TJP3: variants seen among roughly 807,000 people sequenced by gnomAD.
TJP3 encodes the protein tight junction protein 3, also known as tight junction protein ZO-3.
A neutral mutation model predicts 104.2 loss-of-function variants in TJP3; 85 were observed. That is an observed-to-expected ratio of 0.82 (90% confidence interval 0.68 to 0.98). TJP3 has a LOEUF of 0.98. Among genes scored for constraint, TJP3 ranks in the 50% least tolerant of loss-of-function variants. The probability of loss-of-function intolerance (pLI) is 0.00; values close to 1 mark genes in which losing one functional copy is unlikely to be tolerated. For synonymous variants in TJP3, 550 were observed against 550.6 expected, an observed-to-expected ratio of 1.00 and a Z score of 0.02; for missense variants, 1,367 against 1,322.8, an observed-to-expected ratio of 1.03 and a Z score of -0.52.
At chr19:3,723,819 A>G (rs963470379) in intron 1 of TJP3, among the ~76,000 whole-genome samples, 2 of 147,428 alleles carry the variant, frequency 1.4e-5, no homozygotes, top group African/African-American at 4.9e-5. Flanking sequence ...ATATATATAT[A>G]TATATATATA....
intron 1 of TJP3, among the ~76,000 whole-genome samples, chr19:3,718,363 G>C (rs150389605): frequency 6.6e-6 from 1 of 150,642 alleles, no homozygotes; most frequent in Non-Finnish European, 1.5e-5. Flanking sequence ...GACTACAAGC[G>C]TGAGCCACTG....
At chr19:3,711,005 G>T (rs1389629722) in intron 1 of TJP3, among the ~76,000 whole-genome samples, 1 of 150,480 alleles carries the variant, frequency 6.6e-6, no homozygotes, top group African/African-American at 2.5e-5. Context: ...CCGGGTTCAC[G>T]CCATACTCCT....
intron 1 of TJP3, among the ~76,000 whole-genome samples, chr19:3,724,180 C>T (rs1440650570): frequency 6.6e-6 from 1 of 151,908 alleles, no homozygotes; most frequent in African/African-American, 2.4e-5. Context: ...GTTCGGGGGC[C>T]CTGGTTCCCT....
At chr19:3,739,987 A>G (rs2036790930) in intron 13 of TJP3, among the ~76,000 whole-genome samples, 2 of 151,922 alleles carry the variant, frequency 1.3e-5, no homozygotes, top group South Asian at 4.2e-4. Context: ...TAATCCCAGC[A>G]CTTTGGGAGG....
rs185855283 is a variant in TJP3, at chr19:3,711,132, C to G, written c.-10+2571C>G. On this transcript the variant is annotated intron_variant, in intron 1 of 20. Coordinates refer to ENST00000541714, the MANE Select transcript of TJP3 (RefSeq NM_001267560.2). ...GGTAGCCAAGATGGTCTCTCCTGACCTTGTGATCCGCCCACCTCAGCCTCC... is the reference window on the plus strand; with the variant it reads ...GGTAGCCAAGATGGTCTCTCCTGACGTTGTGATCCGCCCACCTCAGCCTCC... Among the ~76,000 whole-genome samples the G allele has an allele frequency of 3.1e-5, 2 of 65,034 alleles. 1 individual carries two copies. Among genetic ancestry groups the G allele is most frequent in the African/African-American group, 1.0e-4 (2 of 19,156 alleles). The allele number at this position is 65,034 out of a possible 152,430, so 42.7% of individuals were successfully genotyped here. A position where few individuals can be genotyped will look rare whatever the true frequency, so the allele number is the denominator to read the frequency against.
At chr19:3,722,556 C>A (rs1305255536) in intron 1 of TJP3, among the ~76,000 whole-genome samples, 2 of 60,610 alleles carry the variant, frequency 3.3e-5, no homozygotes, top group Admixed American at 2.5e-4. Context: ...GTGAGCAAGC[C>A]GGCTGGGGTG....
rs780203679 is a variant in TJP3 at position 3,748,058 on chromosome 19, A to C, written c.2587A>C (p.Ile863Leu). 2 of 1,577,378 alleles carry C rather than the reference A, an allele frequency of 1.3e-6. No individual in the cohort carries two copies. The highest frequency in any genetic ancestry group is 4.7e-5 in the East Asian group (2 of 42,930). The change falls in exon 19 of 21, where the codon ATC (isoleucine) becomes CTC (leucine). Residue 863 changes from isoleucine (I) to leucine (L), a missense_variant. Transcript: ENST00000541714. Reference protein sequence around the residue: ...ESQSPRDRGRISAHQGAQVDS... With the variant: ...ESQSPRDRGRLSAHQGAQVDS... ...CCAGAGCCCGAGGGATCGTGGGAGA[A>C]TCTCGGCTCATCAGGGGGCCCAGGT...
At position 3,716,316 on chromosome 19, in the gene TJP3, G is replaced by T. The variant is rs555481774; in HGVS notation, c.-10+7755G>T. Among the ~76,000 whole-genome samples the T allele has an allele frequency of 1.3e-5, 2 of 148,340 alleles. 1 individual carries two copies. The highest frequency in any genetic ancestry group is 3.0e-5 in the Non-Finnish European group (2 of 66,128). ...TCGAACTATTGACCTCAAGTGATCC[G>T]CCCATCTCAGCCTCTCAAAGTGCTG... On this transcript the variant is annotated intron_variant, in intron 1 of 20. Coordinates refer to ENST00000541714, the MANE Select transcript of TJP3 (RefSeq NM_001267560.2).
At chr19:3,735,990 C>T (rs1286064942) in intron 10 of TJP3, 55 bp downstream of exon 10, 11 of 1,606,610 alleles carry the variant, frequency 6.8e-6, no homozygotes, top group Non-Finnish European at 9.4e-6. Flanking sequence ...CCCAGGCTGC[C>T]TCCCTCATCA....
rs1555737719 is a variant in TJP3 at position 3,722,864 on chromosome 19, G to GT, written c.-9-5560_-9-5559insT. Among the ~76,000 whole-genome samples the GT allele has an allele frequency of 2.4e-5, 3 of 126,528 alleles. 1 individual carries two copies. Among genetic ancestry groups the GT allele is most frequent in the Non-Finnish European group, 4.9e-5 (3 of 60,904 alleles). The allele number at this position is 126,528 out of a possible 152,430, so 83.0% of individuals were successfully genotyped here. On this transcript the variant is annotated intron_variant, in intron 1 of 20. Transcript: ENST00000541714. ...TCCTGGAGATGGGGTGGCGGGGGGG[G>GT]GGGGCACAGGGGACGGCGGCCCGGG...
chr19:3,717,454 T>A (rs940823445), intron 1 of TJP3, among the ~76,000 whole-genome samples: 2 of 148,756 alleles, frequency 1.3e-5, no homozygotes, highest in African/African-American at 4.9e-5. Context: ...TGAAACATAG[T>A]GTTGTGCTGT....
intron 1 of TJP3, among the ~76,000 whole-genome samples, chr19:3,720,904 T>TC (rs1348177587): frequency 2.3e-5 from 3 of 132,820 alleles, no homozygotes; most frequent in African/African-American, 3.3e-5. Context: ...TCCTTTTCTT[T>TC]TTTTTTTTTT....
intron 11 of TJP3, among the ~76,000 whole-genome samples, chr19:3,738,281 C>T (rs9676428): frequency 0.16 from 24,481 of 152,202 alleles, 2,404 homozygotes; most frequent in African/African-American, 0.26. Flanking sequence ...TGACAACCCA[C>T]CATGATTTGG....
At position 3,738,540 on chromosome 19, in the gene TJP3, C is replaced by G. The variant is rs750037718; in HGVS notation, c.1285-15C>G. ...TACCAGAGCTTTTTCTATAGCTGCACTTGCTTTCTGGCAGGTGAATGACGT... is the reference window on the plus strand; with the variant it reads ...TACCAGAGCTTTTTCTATAGCTGCAGTTGCTTTCTGGCAGGTGAATGACGT... On this transcript the variant is annotated splice_polypyrimidine_tract_variant and intron_variant, in intron 11 of 20. Transcript: ENST00000541714. 6.2e-7 allele frequency: 1 copy of G among 1,610,286 alleles called. No individual in the cohort carries two copies. Among genetic ancestry groups the G allele is most frequent in the East Asian group, 2.2e-5 (1 of 44,812 alleles).
intron 14 of TJP3, among the ~76,000 whole-genome samples, chr19:3,743,245 C>T (rs2036846202): frequency 6.6e-6 from 1 of 151,650 alleles, no homozygotes; most frequent in East Asian, 1.9e-4. Flanking sequence ...GCCTGGGCCA[C>T]AGAGCTAGAC....
intron 20 of TJP3, 128 bp from the exon 21 acceptor site, chr19:3,750,454 C>T: frequency 1.2e-6 from 1 of 830,176 alleles, no homozygotes. Context: ...CAAGGCCCTA[C>T]CCATGAATGC....
intron 1 of TJP3, among the ~76,000 whole-genome samples, chr19:3,716,520 T>G (rs565594002): frequency 1.3e-5 from 2 of 148,156 alleles, no homozygotes; most frequent in African/African-American, 4.8e-5. Context: ...TTTTCTCAGC[T>G]GCAAAGTGGG....
intron 6 of TJP3, 43 bp from the exon 7 acceptor site, chr19:3,733,710 C>T: frequency 6.2e-7 from 1 of 1,608,320 alleles, no homozygotes. Context: ...TCTCCCATCT[C>T]TCATTAACTC....
intron 14 of TJP3, among the ~76,000 whole-genome samples, chr19:3,742,764 G>A (rs1478027364): frequency 2.4e-5 from 3 of 123,414 alleles, no homozygotes; most frequent in South Asian, 2.8e-4. Context: ...TCGGGAGTTC[G>A]AGACCAGCCT....
Sources: gnomAD v4.1 joint callset for allele counts (sites outside exome capture counted in the v4.1 genomes callset) on GRCh38, gnomAD v4.1.1 for gene constraint, MANE v1.5 for transcripts, NCBI Gene and HGNC (gene_info 2026-07-23, HGNC 2026-07-21) for gene names.